USH2A: variants seen among roughly 807,000 people sequenced by gnomAD.
USH2A encodes Usher syndrome 2A (autosomal recessive, mild).
USH2A carries 443 observed loss-of-function variants against 538.9 expected under a neutral mutation model. The ratio of observed to expected loss-of-function variants is 0.82; its 90% CI spans 0.76 to 0.89. USH2A has a LOEUF of 0.89. Among genes scored for constraint, USH2A ranks in the 40% least tolerant of loss-of-function variants. The pLI, the probability that USH2A is intolerant of heterozygous loss-of-function variation, is 0.00. For missense variants in USH2A, 6,633 were observed against 6,324.8 expected (o/e 1.05, Z -1.65); for synonymous variants, 2,413 against 2,273.5 (o/e 1.06, Z -1.75).
chr1:215,796,527 G>A (rs1662141951), intron 50 of USH2A, among the ~76,000 whole-genome samples: 1 of 151,944 alleles, frequency 6.6e-6, no homozygotes, highest in African/African-American at 2.4e-5. Flanking sequence ...ATATAAGACG[G>A]AAAGCTTAGT....
chr1:216,097,163 C>T lies in USH2A; in HGVS notation c.4678G>A (p.Ala1560Thr). 16 of 1,614,154 alleles carry T rather than the reference C, an allele frequency of 9.9e-6. No individual in the cohort carries two copies. The highest frequency in any genetic ancestry group is 1.4e-5 in the Non-Finnish European group (16 of 1,180,006). ...TKVPEGLIVF[A>T]ASPGNQEEYF... ...TCTTCCTGATTGCCAGGTGATGCTG[C>T]AAAGACAATCAAACCTTCAGGCACT... Residue 1560 changes from alanine to threonine, a missense_variant, in exon 22 of 72, where the codon GCA becomes ACA. Physicochemically the swap from Ala to Thr is moderately conservative, Grantham distance 58. Coordinates refer to ENST00000307340, the MANE Select transcript of USH2A (RefSeq NM_206933.4).
chr1:216,147,977 T>TCTGA (rs553403147), intron 21 of USH2A, among the ~76,000 whole-genome samples: 64,457 of 80,200 alleles, frequency 0.8, 26,432 homozygotes, highest in East Asian at 0.93. Flanking sequence ...CCCAAGGCTC[T>TCTGA]CTGACTCCTT....
In USH2A at chr1:216,200,122, CTGAAA is replaced by C; in HGVS notation, c.3317-6_3317-2del. 6.2e-7 allele frequency: 1 copy of C among 1,601,228 alleles called. No homozygotes were observed. The highest frequency in any genetic ancestry group is 8.5e-7 in the Non-Finnish European group (1 of 1,175,732). Reference sequence around the variant, plus strand: ...TCTGTGTCTAAGAAGTATTGAATACCTGAAATGAAAAGAAAAAAAAAAAACAAAGT... The same window carrying C: ...TCTGTGTCTAAGAAGTATTGAATACCTGAAAAGAAAAAAAAAAAACAAAGT... On this transcript the variant is annotated splice_acceptor_variant and splice_polypyrimidine_tract_variant and intron_variant, in intron 16 of 71. Coordinates refer to ENST00000307340, the MANE Select transcript of USH2A (RefSeq NM_206933.4). LOFTEE classifies it high-confidence loss of function.
At chr1:215,809,537 T>C (rs1462401471) in intron 49 of USH2A, among the ~76,000 whole-genome samples, 4 of 151,848 alleles carry the variant, frequency 2.6e-5, no homozygotes, top group Non-Finnish European at 4.4e-5. Context: ...AGACATAAGA[T>C]ACAAGGATCA....
chr1:216,265,384 T>C (rs568462209), intron 11 of USH2A, among the ~76,000 whole-genome samples: 1 of 152,168 alleles, frequency 6.6e-6, no homozygotes, highest in Admixed American at 6.6e-5. Context: ...GGAATTCTTA[T>C]ACACTGTTGG....
chr1:215,966,215 T>A (rs540191507), intron 36 of USH2A, among the ~76,000 whole-genome samples: 1 of 152,140 alleles, frequency 6.6e-6, no homozygotes, highest in South Asian at 2.1e-4. Flanking sequence ...TGTACCGGGG[T>A]CAGGAAGATT....
At chr1:215,744,397 A>G (rs1660403715) in intron 58 of USH2A, among the ~76,000 whole-genome samples, 1 of 152,228 alleles carries the variant, frequency 6.6e-6, no homozygotes, top group Non-Finnish European at 1.5e-5. Flanking sequence ...TTATTTGGTC[A>G]TGAACAACAG....
At chr1:216,335,503 AATT>A (rs1209285001) in intron 4 of USH2A, among the ~76,000 whole-genome samples, 1 of 151,612 alleles carries the variant, frequency 6.6e-6, no homozygotes, top group Non-Finnish European at 1.5e-5. Context: ...GATTGTTAGA[AATT>A]ATTAACAAAT....
At position 215,798,918 on chromosome 1, in the gene USH2A, T is replaced by A; in HGVS notation, c.9947A>T (p.Asn3316Ile). 1.2e-6 allele frequency: 2 copies of A among 1,614,062 alleles called. No individual in the cohort carries two copies. The highest frequency in any genetic ancestry group is 8.5e-7 in the Non-Finnish European group (1 of 1,179,970). ...CCTGGGCCCCTTACCTGGAAGGCGATTGTACACCACTCCTTCTTCTCCACC... is the reference window on the plus strand; with the variant it reads ...CCTGGGCCCCTTACCTGGAAGGCGAATGTACACCACTCCTTCTTCTCCACC... Reference protein sequence around the residue: ...CCGGEEGVVYNRLPGMFCCGQ... With the variant: ...CCGGEEGVVYIRLPGMFCCGQ... Residue 3316 changes from asparagine to isoleucine, a missense_variant, in exon 50 of 72, where the codon AAT becomes ATT. Physicochemically the swap from Asn to Ile is moderately radical, Grantham distance 149. Coordinates refer to ENST00000307340, the MANE Select transcript of USH2A (RefSeq NM_206933.4).
intron 40 of USH2A, among the ~76,000 whole-genome samples, chr1:215,891,167 T>C (rs1314756586): frequency 1.3e-5 from 2 of 152,178 alleles, no homozygotes; most frequent in Non-Finnish European, 2.9e-5. Context: ...ACCCCCACAA[T>C]ACACAGCCTT....
At chr1:215,900,601 A>C in intron 39 of USH2A, 154 bp downstream of exon 39, 1 of 1,045,408 alleles carries the variant, frequency 9.6e-7, no homozygotes, top group East Asian at 2.6e-5. Context: ...ATATTTTTGC[A>C]AAGCAAATGA....
chr1:215,790,720 G>C (rs1175811616), intron 50 of USH2A, among the ~76,000 whole-genome samples: 5 of 152,210 alleles, frequency 3.3e-5, no homozygotes, highest in Admixed American at 3.3e-4. Context: ...AGAGTGGAAA[G>C]GTAGCACCAT....
intron 70 of USH2A, among the ~76,000 whole-genome samples, chr1:215,631,219 G>A (rs74708413): frequency 6.1e-5 from 9 of 147,838 alleles, no homozygotes; most frequent in Non-Finnish European, 1.0e-4. Flanking sequence ...TGTCACATGA[G>A]GGGGAGAAGT....
intron 50 of USH2A, among the ~76,000 whole-genome samples, chr1:215,796,978 A>G (rs1363184300): frequency 6.6e-6 from 1 of 152,220 alleles, no homozygotes; most frequent in Non-Finnish European, 1.5e-5. Context: ...GAGAATGATG[A>G]CAAATCTTGT....
chr1:216,212,514 G>C (rs1404377887), intron 15 of USH2A, among the ~76,000 whole-genome samples: 2 of 152,088 alleles, frequency 1.3e-5, no homozygotes, highest in South Asian at 2.1e-4. Context: ...ATTGTGACTA[G>C]ATCCATCTCT....
At chr1:216,145,657 C>A (rs371435928) in intron 21 of USH2A, among the ~76,000 whole-genome samples, 1 of 152,168 alleles carries the variant, frequency 6.6e-6, no homozygotes, top group Non-Finnish European at 1.5e-5. Context: ...TGCACGTATA[C>A]GCCCAGATGG....
In USH2A at chr1:216,068,730, G is replaced by A. The variant is rs12135552; in HGVS notation, c.6049+1371C>T. Among the ~76,000 whole-genome samples the A allele has an allele frequency of 3.6e-3, 547 of 152,224 alleles. 2 individuals carry two copies. Among genetic ancestry groups the A allele is most frequent in the Non-Finnish European group, 6.1e-3 (418 of 68,012 alleles). On this transcript the variant is annotated intron_variant, in intron 30 of 71. Coordinates refer to ENST00000307340, the MANE Select transcript of USH2A (RefSeq NM_206933.4). Reference sequence around the variant, plus strand: ...TTGTAAAACAGAAAGGAAAAAAAGCGTGAAAATTAAAAATAATAATGAAAA... The same window carrying A: ...TTGTAAAACAGAAAGGAAAAAAAGCATGAAAATTAAAAATAATAATGAAAA...
At chr1:215,871,405 T>C (rs1664621597) in intron 43 of USH2A, among the ~76,000 whole-genome samples, 1 of 152,232 alleles carries the variant, frequency 6.6e-6, no homozygotes, top group African/African-American at 2.4e-5. Flanking sequence ...AGATGTTTCA[T>C]AGTTATTTAA....
In USH2A at chr1:216,372,867, G is replaced by A. The variant is rs771981068; in HGVS notation, c.652-7782C>T. Among the ~76,000 whole-genome samples the A allele has an allele frequency of 2.0e-5, 3 of 152,048 alleles. No homozygotes were observed. In the South Asian group the frequency reaches 6.2e-4, roughly 31 times the overall value. On this transcript the variant is annotated intron_variant, in intron 3 of 71. Coordinates refer to ENST00000307340, the MANE Select transcript of USH2A (RefSeq NM_206933.4). ...CTCTTAATTATTTCAATATATCATTGTGCCTTTTTCTATTTTACTCATGGA... is the reference window on the plus strand; with the variant it reads ...CTCTTAATTATTTCAATATATCATTATGCCTTTTTCTATTTTACTCATGGA...
Sources: gnomAD v4.1 joint callset for allele counts (sites outside exome capture counted in the v4.1 genomes callset) on GRCh38, gnomAD v4.1.1 for gene constraint, MANE v1.5 for transcripts, NCBI Gene and HGNC (gene_info 2026-07-23, HGNC 2026-07-21) for gene names.